H1-10: variants seen among roughly 807,000 people sequenced by gnomAD.
The protein encoded by H1-10 is histone H1.10.
For missense variants in H1-10, 307 were observed against 297.9 expected (o/e 1.03, Z -0.22); for synonymous variants, 191 against 140.9 (o/e 1.36, Z -2.52).
At position 129,316,139 on chromosome 3, in the gene H1-10, C is replaced by A. The variant is rs1170129218; in HGVS notation, c.-237G>T. 6.2e-6 allele frequency: 1 copy of A among 161,876 alleles called. No individual in the cohort carries two copies. Among genetic ancestry groups the A allele is most frequent in the South Asian group, 2.0e-4 (1 of 4,936 alleles). The allele number at this position is 161,876 out of a possible 1,614,324, so 10.0% of individuals were successfully genotyped here. ...CGGACTAGGGGACCGAGTTGGGGGT[C>A]AGAGACCGAGTCCGAGCCGGCGGCT... On this transcript the variant is annotated 5_prime_UTR_variant, in exon 1 of 1. Coordinates refer to ENST00000333762, the MANE Select transcript of H1-10 (RefSeq NM_006026.4).
chr3:129,315,814 A>C lies in H1-10; in HGVS notation c.89T>G (p.Leu30Trp). Residue 30 changes from leucine (L) to tryptophan (W), a missense_variant, in exon 1 of 1, where the codon TTG (leucine) becomes TGG (tryptophan). Transcript: ENST00000333762. ...ATTCTTCCTCTTCTTAGATGGGGAC[A>C]ACGCCGCCGAGCCGCCAGCCTTGGT... ...KVTKAGGSAALSPSKKRKNSK... is the reference protein window; with the variant it reads ...KVTKAGGSAAWSPSKKRKNSK... The C allele has an allele frequency of 1.2e-6, 2 of 1,603,788 alleles. No individual in the cohort carries two copies. The highest frequency in any genetic ancestry group is 2.2e-5 in the East Asian group (1 of 44,458).
In H1-10 at chr3:129,315,193, C is replaced by T. The variant is rs2107706101; in HGVS notation, c.*68G>A. On this transcript the variant is annotated 3_prime_UTR_variant, in exon 1 of 1. Transcript: ENST00000333762. ...GCCGGCGTGAGCCGTACAAAATCTA[C>T]GTCACTTGGGGTAGAAAAACAAAAA... is the stretch of plus-strand genomic sequence containing the variant. The T allele has an allele frequency of 1.6e-6, 2 of 1,248,942 alleles. No individual in the cohort carries two copies. The highest frequency in any genetic ancestry group is 2.0e-6 in the Non-Finnish European group (2 of 990,728). 77.4% of individuals were successfully genotyped at this position (1,248,942 alleles called of 1,614,324 possible).
chr3:129,315,696 C>T lies in H1-10; in HGVS notation c.207G>A (p.Lys69=). ...GAACCTTCTTGGCCTCGGTGTAGAT[C>T]TTGGCCAGCGACGAGCCGTTGCGCT... is the stretch of plus-strand genomic sequence containing the variant. ...LGERNGSSLA[K]IYTEAKKVPW... is the part of the protein sequence containing the mutation. The change falls in exon 1 of 1, where the codon AAG becomes AAA. Residue 69 remains lysine, a synonymous_variant. Transcript: ENST00000333762. 3 of 1,585,274 alleles carry T rather than the reference C, an allele frequency of 1.9e-6. No homozygotes were observed. The highest frequency in any genetic ancestry group is 2.6e-6 in the Non-Finnish European group (3 of 1,167,874).
In H1-10 at chr3:129,315,395, G is replaced by A; in HGVS notation, c.508C>T (p.Arg170Cys). 2.0e-6 allele frequency: 3 copies of A among 1,534,818 alleles called. No individual in the cohort carries two copies. The highest frequency in any genetic ancestry group is 2.6e-6 in the Non-Finnish European group (3 of 1,146,674). The change falls in exon 1 of 1, where the codon CGC (arginine) becomes TGC (cysteine). Residue 170 changes from arginine (R) to cysteine (C), a missense_variant. Physicochemically the swap from Arg to Cys is radical, Grantham distance 180. Transcript: ENST00000333762. ...GCGCCAGCGCCCTTCTTGTGCGAGC[G>A]CTGCTCCGGCTTCTGGCCCCTGGCG... The part of the protein sequence containing the change: ...KPARGQKPEQ[R>C]SHKKGAGAKK...
At position 129,315,686 on chromosome 3, in the gene H1-10, C is replaced by T; in HGVS notation, c.217G>A (p.Glu73Lys). 1.3e-6 allele frequency: 2 copies of T among 1,586,566 alleles called. No homozygotes were observed. The highest frequency in any genetic ancestry group is 1.7e-6 in the Non-Finnish European group (2 of 1,168,384). Reference sequence around the variant, plus strand: ...TCGAACCACGGAACCTTCTTGGCCTCGGTGTAGATCTTGGCCAGCGACGAG... The same window carrying T: ...TCGAACCACGGAACCTTCTTGGCCTTGGTGTAGATCTTGGCCAGCGACGAG... ...NGSSLAKIYT[E>K]AKKVPWFDQQ... The change falls in exon 1 of 1, where the codon GAG becomes AAG. Residue 73 changes from glutamate (E) to lysine (K), a missense_variant. Physicochemically the swap from Glu to Lys is moderately conservative, Grantham distance 56 (BLOSUM62 1). Coordinates refer to ENST00000333762, the MANE Select transcript of H1-10 (RefSeq NM_006026.4).
At position 129,314,823 on chromosome 3, in the gene H1-10, G is replaced by C. The variant is rs2071284673; in HGVS notation, c.*438C>G. 6.4e-6 allele frequency: 1 copy of C among 155,710 alleles called. No homozygotes were observed. The highest frequency in any genetic ancestry group is 1.4e-5 in the Non-Finnish European group (1 of 70,658). 9.6% of individuals were successfully genotyped at this position (155,710 alleles called of 1,614,324 possible). On this transcript the variant is annotated 3_prime_UTR_variant, in exon 1 of 1. Coordinates refer to ENST00000333762, the MANE Select transcript of H1-10 (RefSeq NM_006026.4). The stretch of plus-strand genomic sequence containing the variant: ...CAAAAAAAGGCCCATGGAATGAAGG[G>C]AAGAGCCGCGCAGCCCTGAGCCCGG...
In H1-10 at chr3:129,315,970, A is replaced by C; in HGVS notation, c.-68T>G. 1 of 176,618 alleles carries C rather than the reference A, an allele frequency of 5.7e-6. No individual in the cohort carries two copies. The highest frequency in any genetic ancestry group is 9.5e-6 in the Non-Finnish European group (1 of 105,052). 10.9% of individuals were successfully genotyped at this position (176,618 alleles called of 1,614,324 possible). A position where few individuals can be genotyped will look rare whatever the true frequency, so the allele number is the denominator to read the frequency against. On this transcript the variant is annotated 5_prime_UTR_variant, in exon 1 of 1. Coordinates refer to ENST00000333762, the MANE Select transcript of H1-10 (RefSeq NM_006026.4). ...GGGCCGCGCCGGGAAGAGGAAGGCGAGGGGCCGAGGGGGTGCAGGGGGGCT... is the reference window on the plus strand; with the variant it reads ...GGGCCGCGCCGGGAAGAGGAAGGCGCGGGGCCGAGGGGGTGCAGGGGGGCT...
In H1-10 at chr3:129,315,028, C is replaced by T; in HGVS notation, c.*233G>A. 1 of 353,422 alleles carries T rather than the reference C, an allele frequency of 2.8e-6. No homozygotes were observed. The highest frequency in any genetic ancestry group is 4.3e-5 in the East Asian group (1 of 23,180). The allele number at this position is 353,422 out of a possible 1,614,324, so 21.9% of individuals were successfully genotyped here. The stretch of plus-strand genomic sequence containing the variant: ...CCATGACGACGGCCGTTGCCAAGGC[C>T]GAGAGCCAATAGAGGCGTCGCCGGG... On this transcript the variant is annotated 3_prime_UTR_variant, in exon 1 of 1. Coordinates refer to ENST00000333762, the MANE Select transcript of H1-10 (RefSeq NM_006026.4).
In H1-10 at chr3:129,315,295, G is replaced by A; in HGVS notation, c.608C>T (p.Pro203Leu). The A allele has an allele frequency of 6.8e-7, 1 of 1,480,040 alleles. No homozygotes were observed. Among genetic ancestry groups the A allele is most frequent in the Non-Finnish European group, 9.0e-7 (1 of 1,116,652 alleles). The allele number at this position is 1,480,040 out of a possible 1,614,324, so 91.7% of individuals were successfully genotyped here. ...GCCCTTGGGCACTTTGGGGACGCTG[G>A]GCTTGGCCGCCTTCTTCACCTTCTT... is the stretch of plus-strand genomic sequence containing the variant. Reference protein sequence around the residue: ...GGKKVKKAAKPSVPKVPKGRK With the variant: ...GGKKVKKAAKLSVPKVPKGRK The change falls in exon 1 of 1, where the codon CCC (proline) becomes CTC (leucine). Residue 203 changes from proline to leucine, a missense_variant. Physicochemically the swap from Pro to Leu is moderately conservative, Grantham distance 98 (BLOSUM62 -3). Coordinates refer to ENST00000333762, the MANE Select transcript of H1-10 (RefSeq NM_006026.4).
rs1559760978 is a variant in H1-10 at position 129,315,908 on chromosome 3, C to T, written c.-6G>A. The T allele has an allele frequency of 1.9e-6, 3 of 1,553,422 alleles. No individual in the cohort carries two copies. Among genetic ancestry groups the T allele is most frequent in the Non-Finnish European group, 2.6e-6 (3 of 1,145,834 alleles). On this transcript the variant is annotated 5_prime_UTR_variant, in exon 1 of 1. Transcript: ENST00000333762. ...TCCTCGAGCTCCACGGACATGGTAGCAAGAGGATTGGTGGCGGGCGGCGCG... is the reference window on the plus strand; with the variant it reads ...TCCTCGAGCTCCACGGACATGGTAGTAAGAGGATTGGTGGCGGGCGGCGCG...
At position 129,316,133 on chromosome 3, in the gene H1-10, G is replaced by A. The variant is rs150684541; in HGVS notation, c.-231C>T. 730 of 161,608 alleles carry A rather than the reference G, an allele frequency of 4.5e-3. 11 individuals carry two copies. Among genetic ancestry groups the A allele is most frequent in the African/African-American group, 0.015 (632 of 41,472 alleles). The allele number at this position is 161,608 out of a possible 1,614,324, so 10.0% of individuals were successfully genotyped here. A position where few individuals can be genotyped will look rare whatever the true frequency, so the allele number is the denominator to read the frequency against. ...CGGGGCCGGACTAGGGGACCGAGTT[G>A]GGGGTCAGAGACCGAGTCCGAGCCG... On this transcript the variant is annotated 5_prime_UTR_variant, in exon 1 of 1. Transcript: ENST00000333762.
In H1-10 at chr3:129,315,101, G is replaced by A. The variant is rs964792149; in HGVS notation, c.*160C>T. The A allele has an allele frequency of 4.1e-5, 20 of 484,714 alleles. No individual in the cohort carries two copies. The highest frequency in any genetic ancestry group is 6.2e-5 in the Non-Finnish European group (19 of 305,534). The allele number at this position is 484,714 out of a possible 1,614,324, so 30.0% of individuals were successfully genotyped here. On this transcript the variant is annotated 3_prime_UTR_variant, in exon 1 of 1. Transcript: ENST00000333762. ...AACAACGAAAAACGCTACATCGTTG[G>A]GGGAGGGGAAAGACTGAGAGGACCC...
chr3:129,315,549 G>A lies in H1-10; in HGVS notation c.354C>T (p.Arg118=). Residue 118 remains arginine (R), a synonymous_variant, in exon 1 of 1, where the codon CGC becomes CGT. Coordinates refer to ENST00000333762, the MANE Select transcript of H1-10 (RefSeq NM_006026.4). The part of the protein sequence containing the change: ...TGANGSFKLN[R]KKLEGGGERR... ...GCTCCCCGCCGCCCTCCAGCTTCTT[G>A]CGGTTGAGCTTGAAGGAACCGTTGG... 1.3e-6 allele frequency: 2 copies of A among 1,546,508 alleles called. No homozygotes were observed. Among genetic ancestry groups the A allele is most frequent in the Non-Finnish European group, 1.7e-6 (2 of 1,146,670 alleles).
Position 129,314,940 on chromosome 3 carries a change from C to T in H1-10, c.*321G>A, listed in dbSNP as rs2107705902. The T allele has an allele frequency of 4.8e-6, 1 of 207,660 alleles. No homozygotes were observed. 12.9% of individuals were successfully genotyped at this position (207,660 alleles called of 1,614,324 possible). ...GCGTCCCCGCGCGCCTGGGCCCGGCCAACCAGCGACCCCGCCCGGTGGGCA... is the reference window on the plus strand; with the variant it reads ...GCGTCCCCGCGCGCCTGGGCCCGGCTAACCAGCGACCCCGCCCGGTGGGCA... On this transcript the variant is annotated 3_prime_UTR_variant, in exon 1 of 1. Transcript: ENST00000333762.
rs2071285808 is a variant in H1-10 at position 129,314,897 on chromosome 3, A to G, written c.*364T>C. ...AAGGCAAGGAGGGTGGGGAGCTGGG[A>G]AAGGATGCGCGGCCTCCGCGTCCCC... On this transcript the variant is annotated 3_prime_UTR_variant, in exon 1 of 1. Coordinates refer to ENST00000333762, the MANE Select transcript of H1-10 (RefSeq NM_006026.4). 1 of 176,430 alleles carries G rather than the reference A, an allele frequency of 5.7e-6. No individual in the cohort carries two copies. Among genetic ancestry groups the G allele is most frequent in the Non-Finnish European group, 1.2e-5 (1 of 84,820 alleles). 10.9% of individuals were successfully genotyped at this position (176,430 alleles called of 1,614,324 possible).
At position 129,315,490 on chromosome 3, in the gene H1-10, G is replaced by GC. The variant is rs1559760748; in HGVS notation, c.412dup (p.Ala138GlyfsTer101). 3 of 1,527,398 alleles carry GC rather than the reference G, an allele frequency of 2.0e-6. No homozygotes were observed. Among genetic ancestry groups the GC allele is most frequent in the Non-Finnish European group, 2.6e-6 (3 of 1,141,496 alleles). 94.6% of individuals were successfully genotyped at this position (1,527,398 alleles called of 1,614,324 possible). ...CTTCTTCGCTTTGTGCGCGGTGGGG[G>GC]CCGGGGCGGTGGCGGCCGCCGGGGC... On this transcript the variant is annotated frameshift_variant, in exon 1 of 1. Transcript: ENST00000333762. LOFTEE classifies it low-confidence loss of function (END_TRUNC).
Position 129,315,182 on chromosome 3 carries a change from T to G in H1-10, c.*79A>C. On this transcript the variant is annotated 3_prime_UTR_variant, in exon 1 of 1. Transcript: ENST00000333762. ...TCGCGGCCCCGGCCGGCGTGAGCCG[T>G]ACAAAATCTACGTCACTTGGGGTAG... 1 of 1,223,664 alleles carries G rather than the reference T, an allele frequency of 8.2e-7. No homozygotes were observed. Among genetic ancestry groups the G allele is most frequent in the Non-Finnish European group, 1.0e-6 (1 of 969,738 alleles). 75.8% of individuals were successfully genotyped at this position (1,223,664 alleles called of 1,614,324 possible).
Position 129,315,686 on chromosome 3 carries a change from C to A in H1-10, c.217G>T (p.Glu73Ter). 6.3e-7 allele frequency: 1 copy of A among 1,586,566 alleles called. No homozygotes were observed. The highest frequency in any genetic ancestry group is 8.6e-7 in the Non-Finnish European group (1 of 1,168,384). Residue 73 changes from glutamate (E) to a stop codon, truncating the protein, a stop_gained, in exon 1 of 1, where the codon GAG (glutamate) becomes TAG (stop). Transcript: ENST00000333762. LOFTEE classifies it low-confidence loss of function (END_TRUNC). ...TCGAACCACGGAACCTTCTTGGCCT[C>A]GGTGTAGATCTTGGCCAGCGACGAG... Reference protein sequence around the residue: ...NGSSLAKIYTEAKKVPWFDQQ... With the variant: ...NGSSLAKIYT
chr3:129,315,241 G>C lies in H1-10; in HGVS notation c.*20C>G. ...AAACACCGAAAAGCCCACGCCGGCC[G>C]CTCTGACCGGCCGACACGCTCACTT... On this transcript the variant is annotated 3_prime_UTR_variant, in exon 1 of 1. Transcript: ENST00000333762. The C allele has an allele frequency of 7.4e-7, 1 of 1,350,086 alleles. No individual in the cohort carries two copies. The highest frequency in any genetic ancestry group is 2.5e-4 in the Middle Eastern group (1 of 3,922). 83.6% of individuals were successfully genotyped at this position (1,350,086 alleles called of 1,614,324 possible).
Sources: gnomAD v4.1 joint callset for allele counts on GRCh38, gnomAD v4.1.1 for gene constraint, MANE v1.5 for transcripts, NCBI Gene and HGNC (gene_info 2026-07-23, HGNC 2026-07-21) for gene names.